Variants in SUSD6 observed in about 807,000 individuals in gnomAD.
The protein encoded by SUSD6 is sushi domain-containing protein 6.
A neutral mutation model predicts 28.4 loss-of-function variants in SUSD6; 16 were observed. The ratio of observed to expected loss-of-function variants is 0.56; its 90% CI spans 0.38 to 0.86. The LOEUF (loss-of-function observed/expected upper bound fraction) is 0.86. SUSD6 is among the 40% of genes least tolerant of loss of function. The pLI is 0.00. For missense variants in SUSD6, 341 were observed against 384.2 expected (o/e 0.89, Z 0.94); for synonymous variants, 147 against 159.6 (o/e 0.92, Z 0.59).
chr14:69,705,417 T>G (rs904481318), intron 4 of SUSD6, among the ~76,000 whole-genome samples: 2 of 151,922 alleles, frequency 1.3e-5, no homozygotes, highest in Non-Finnish European at 2.9e-5. Context: ...TCCAGCAGCG[T>G]CAGGATCATG....
Position 69,658,585 on chromosome 14 carries a change from G to T in SUSD6, c.-8G>T. ...TTTTCTTTTTAAAAAAACTTGGACG[G>T]ATAAAAGATGTGCCATGGCAGGATA... On this transcript the variant is annotated 5_prime_UTR_variant, in exon 2 of 6. Coordinates refer to ENST00000342745, the MANE Select transcript of SUSD6 (RefSeq NM_014734.4). The T allele has an allele frequency of 6.2e-7, 1 of 1,613,956 alleles. No individual in the cohort carries two copies. The highest frequency in any genetic ancestry group is 8.5e-7 in the Non-Finnish European group (1 of 1,179,964).
At chr14:69,667,062 G>A (rs1885752898) in intron 2 of SUSD6, among the ~76,000 whole-genome samples, 1 of 152,144 alleles carries the variant, frequency 6.6e-6, no homozygotes, top group African/African-American at 2.4e-5. Context: ...ATTGTCACTG[G>A]CTTGGCTTCT....
intron 1 of SUSD6, among the ~76,000 whole-genome samples, chr14:69,628,730 T>G (rs1885151809): frequency 6.6e-6 from 1 of 151,192 alleles, no homozygotes; most frequent in African/African-American, 2.4e-5. Context: ...TTTTTTTTTT[T>G]TTTTTTTTGA....
chr14:69,677,044 G>A (rs1421157031), intron 2 of SUSD6, among the ~76,000 whole-genome samples: 1 of 152,150 alleles, frequency 6.6e-6, no homozygotes. Flanking sequence ...ATATCATAGA[G>A]GTCTTACTTG....
At chr14:69,676,721 C>T (rs1447041402) in intron 2 of SUSD6, among the ~76,000 whole-genome samples, 2 of 152,154 alleles carry the variant, frequency 1.3e-5, no homozygotes, top group Non-Finnish European at 2.9e-5. Flanking sequence ...AAATGAGATT[C>T]CCACATATTT....
chr14:69,707,585 G>A lies in SUSD6; in HGVS notation c.459-1092G>A, dbSNP rs530160517. 2.1e-4 allele frequency among the ~76,000 whole-genome samples: 32 copies of A among 151,850 alleles called. No individual in the cohort carries two copies. In the South Asian group the frequency reaches 5.2e-3, roughly 25 times the overall value. On this transcript the variant is annotated intron_variant, in intron 4 of 5. Coordinates refer to ENST00000342745, the MANE Select transcript of SUSD6 (RefSeq NM_014734.4). ...AGCCTGGGCAACATGGAGAAACTCC[G>A]TCTCTACAAAAAATTGGCCAGGCGT... is the stretch of plus-strand genomic sequence containing the variant.
chr14:69,653,416 G>T (rs994643501), intron 1 of SUSD6, among the ~76,000 whole-genome samples: 1 of 152,208 alleles, frequency 6.6e-6, no homozygotes, highest in African/African-American at 2.4e-5. Flanking sequence ...GAAGAATTCT[G>T]TGGCCTTAGA....
chr14:69,657,997 G>C (rs1885609374), intron 1 of SUSD6, among the ~76,000 whole-genome samples: 1 of 152,246 alleles, frequency 6.6e-6, no homozygotes, highest in Admixed American at 6.5e-5. Flanking sequence ...TGTCGAGTCA[G>C]GTCCTCCGGC....
chr14:69,635,778 C>T (rs575223226), intron 1 of SUSD6, among the ~76,000 whole-genome samples: 1 of 152,352 alleles, frequency 6.6e-6, no homozygotes, highest in East Asian at 1.9e-4. Context: ...TCTGGCAGGC[C>T]ACTTTCTTGG....
intron 3 of SUSD6, among the ~76,000 whole-genome samples, chr14:69,704,191 T>G (rs1367868627): frequency 6.6e-6 from 1 of 152,204 alleles, no homozygotes; most frequent in Non-Finnish European, 1.5e-5. Context: ...ACAGTCCAGT[T>G]TCTGTAAATT....
Position 69,711,065 on chromosome 14 carries a change from G to T in SUSD6, c.*86G>T. ...GGGATTGAGCACCCTGTACTCTCCA[G>T]CCACCTTACCTGGATACCTGAGCTG... On this transcript the variant is annotated 3_prime_UTR_variant, in exon 6 of 6. Transcript: ENST00000342745. 1 of 1,383,598 alleles carries T rather than the reference G, an allele frequency of 7.2e-7. No individual in the cohort carries two copies. The allele number at this position is 1,383,598 out of a possible 1,614,324, so 85.7% of individuals were successfully genotyped here.
chr14:69,637,639 A>T (rs1885284791), intron 1 of SUSD6, among the ~76,000 whole-genome samples: 1 of 151,968 alleles, frequency 6.6e-6, no homozygotes, highest in African/African-American at 2.4e-5. Context: ...TGCCATCCCC[A>T]CCCCCAGGAC....
chr14:69,673,240 A>G (rs1885860261), intron 2 of SUSD6, among the ~76,000 whole-genome samples: 1 of 152,160 alleles, frequency 6.6e-6, no homozygotes, highest in South Asian at 2.1e-4. Context: ...AGATTCCTCT[A>G]GAGGGCTTGT....
In SUSD6 at chr14:69,628,037, G is replaced by A. The variant is rs60146581; in HGVS notation, c.-81+16209G>A. Among the ~76,000 whole-genome samples, 1,191 of 151,770 alleles carry A rather than the reference G, an allele frequency of 7.8e-3. 21 individuals are homozygous for A. Among genetic ancestry groups the A allele is most frequent in the African/African-American group, 0.027 (1,132 of 41,364 alleles). On this transcript the variant is annotated intron_variant, in intron 1 of 5. Coordinates refer to ENST00000342745, the MANE Select transcript of SUSD6 (RefSeq NM_014734.4). Reference sequence around the variant, plus strand: ...CAGTCTTTGTCTCCTGGGTTCAAGCGATTCTTCTGCCTCAGCTCCTACGTA... The same window carrying A: ...CAGTCTTTGTCTCCTGGGTTCAAGCAATTCTTCTGCCTCAGCTCCTACGTA...
At chr14:69,707,732 G>GT (rs1173195669) in intron 4 of SUSD6, among the ~76,000 whole-genome samples, 3 of 152,144 alleles carry the variant, frequency 2.0e-5, no homozygotes, top group Non-Finnish European at 4.4e-5. Flanking sequence ...GGGCAACAGA[G>GT]TAAGACCCTT....
chr14:69,657,786 T>A (rs1885605077), intron 1 of SUSD6, among the ~76,000 whole-genome samples: 2 of 152,312 alleles, frequency 1.3e-5, no homozygotes, highest in South Asian at 4.1e-4. Flanking sequence ...ATACACACAC[T>A]CTTTCTCACT....
In SUSD6 at chr14:69,708,959, A is replaced by G; in HGVS notation, c.741A>G (p.Ser247=). ...GLCEAWGSRA[S]ETVMVHQATT... is the part of the protein sequence containing the mutation. ...GTGAAGCCTGGGGCTCTCGGGCCTC[A>G]GAGACTGTGATGGTGCATCAGGCAA... Residue 247 remains serine (S), a synonymous_variant, in exon 5 of 6, where the codon TCA becomes TCG. Coordinates refer to ENST00000342745, the MANE Select transcript of SUSD6 (RefSeq NM_014734.4). 1 of 1,614,194 alleles carries G rather than the reference A, an allele frequency of 6.2e-7. No homozygotes were observed. Among genetic ancestry groups the G allele is most frequent in the Non-Finnish European group, 8.5e-7 (1 of 1,180,042 alleles).
chr14:69,677,279 C>T (rs181470018), intron 2 of SUSD6, among the ~76,000 whole-genome samples: 268 of 152,344 alleles, frequency 1.8e-3, no homozygotes, highest in African/African-American at 6.3e-3. Flanking sequence ...GGCGTGGTGG[C>T]TTACGCCTGT....
In SUSD6 at chr14:69,711,705, G is replaced by A. The variant is rs1308543020; in HGVS notation, c.*726G>A. On this transcript the variant is annotated 3_prime_UTR_variant, in exon 6 of 6. Coordinates refer to ENST00000342745, the MANE Select transcript of SUSD6 (RefSeq NM_014734.4). ...AAAGGCACAAGCTCCTGGCCCTGTT[G>A]AGTTGAGAGTTTCCAAGAAGCATCC... 1.3e-5 allele frequency: 2 copies of A among 152,310 alleles called. No individual in the cohort carries two copies. Among genetic ancestry groups the A allele is most frequent in the Non-Finnish European group, 2.9e-5 (2 of 68,086 alleles). 9.4% of individuals were successfully genotyped at this position (152,310 alleles called of 1,614,324 possible). A position where few individuals can be genotyped will look rare whatever the true frequency, so the allele number is the denominator to read the frequency against.
Sources: allele counts gnomAD v4.1 joint callset (sites outside exome capture counted in the v4.1 genomes callset), GRCh38; gene constraint gnomAD v4.1.1; transcripts MANE v1.5; gene names NCBI Gene and HGNC (gene_info 2026-07-23, HGNC 2026-07-21).